PAX3: variants seen among roughly 807,000 people sequenced by gnomAD.
PAX3 encodes paired box protein Pax-3.
In PAX3, 14 loss-of-function variants were observed where a neutral mutation model predicts 51.6. The ratio of observed to expected loss-of-function variants is 0.27; its 90% CI spans 0.18 to 0.42. The LOEUF (loss-of-function observed/expected upper bound fraction) is 0.42, where lower values mean the gene tolerates loss of function less well. PAX3 is among the 10% of genes least tolerant of loss of function. The pLI is 1.00. For missense variants in PAX3, 540 were observed against 642.8 expected, an observed-to-expected ratio of 0.84 and a Z score of 1.73; for synonymous variants, 280 against 253.4, an observed-to-expected ratio of 1.11 and a Z score of -1.00.
chr2:222,254,649 T>C (rs970259727), intron 4 of PAX3, among the ~76,000 whole-genome samples: 3 of 152,258 alleles, frequency 2.0e-5, no homozygotes, highest in African/African-American at 7.2e-5. Context: ...AGAGAGTTAA[T>C]AAATGATTAT....
intron 5 of PAX3, among the ~76,000 whole-genome samples, chr2:222,223,569 T>C (rs1030961179): frequency 2.0e-5 from 3 of 152,200 alleles, no homozygotes; most frequent in Non-Finnish European, 4.4e-5. Flanking sequence ...ATTAGGGTCA[T>C]GTTCATGCCT....
intron 4 of PAX3, among the ~76,000 whole-genome samples, chr2:222,253,815 C>T (rs1693531521): frequency 6.6e-6 from 1 of 151,998 alleles, no homozygotes; most frequent in Non-Finnish European, 1.5e-5. Flanking sequence ...CATGCCACCA[C>T]ATCCCACTAA....
intron 4 of PAX3, among the ~76,000 whole-genome samples, chr2:222,278,083 C>A (rs922545970): frequency 6.6e-6 from 1 of 151,910 alleles, no homozygotes; most frequent in Non-Finnish European, 1.5e-5. Flanking sequence ...AGATTAGACA[C>A]CCTGATTAAA....
At chr2:222,225,957 G>C (rs1692367016) in intron 5 of PAX3, among the ~76,000 whole-genome samples, 1 of 152,158 alleles carries the variant, frequency 6.6e-6, no homozygotes, top group Non-Finnish European at 1.5e-5. Flanking sequence ...GGTTTGACTT[G>C]AATGGAGGCT....
intron 4 of PAX3, among the ~76,000 whole-genome samples, chr2:222,282,507 T>G (rs1035478484): frequency 4.6e-5 from 7 of 152,196 alleles, no homozygotes; most frequent in African/African-American, 1.7e-4. Flanking sequence ...CCGGCAGCAC[T>G]TCTGAAAAAT....
chr2:222,221,144 G>A, intron 6 of PAX3, 78 bp downstream of exon 6: 5 of 1,356,014 alleles, frequency 3.7e-6, no homozygotes, highest in Non-Finnish European at 5.3e-6. Context: ...TACTGCAGAA[G>A]GATTCACTTG....
rs557454323 is a variant in PAX3, at chr2:222,215,286, G to A, written c.1173+4854C>T. Among the ~76,000 whole-genome samples the A allele has an allele frequency of 1.7e-3, 256 of 152,224 alleles. 1 individual carries two copies. The highest frequency in any genetic ancestry group is 5.8e-3 in the African/African-American group (243 of 41,540). ...GAGGAAAAGTGCTTGGCAAAAATGTGTTTTAGGTTTTACCAAACCCAAAAC... is the reference window on the plus strand; with the variant it reads ...GAGGAAAAGTGCTTGGCAAAAATGTATTTTAGGTTTTACCAAACCCAAAAC... On this transcript the variant is annotated intron_variant, in intron 7 of 8. Coordinates refer to ENST00000392070, the MANE Select transcript of PAX3 (RefSeq NM_181458.4).
intron 4 of PAX3, among the ~76,000 whole-genome samples, chr2:222,249,230 CAAAAAATA>C (rs1014123812): frequency 5.9e-5 from 9 of 152,214 alleles, no homozygotes; most frequent in Admixed American, 2.6e-4. Context: ...TCAGTTTCTA[CAAAAAATA>C]AAAACATAAG....
intron 7 of PAX3, among the ~76,000 whole-genome samples, chr2:222,203,050 T>TAC (rs1691368542): frequency 7.8e-6 from 1 of 128,064 alleles, no homozygotes; most frequent in Non-Finnish European, 1.6e-5. Context: ...TATATATATA[T>TAC]ATATATGAAG....
At chr2:222,203,011 T>TTATATATATA (rs1454502969) in intron 7 of PAX3, among the ~76,000 whole-genome samples, 1 of 40,888 alleles carries the variant, frequency 2.4e-5, no homozygotes, top group African/African-American at 8.5e-5. Flanking sequence ...AACAACCATT[T>TTATATATATA]CATATATATA....
chr2:222,295,766 A>G (rs1033179052), intron 2 of PAX3, 109 bp from the exon 3 acceptor site: 3 of 1,302,490 alleles, frequency 2.3e-6, no homozygotes, highest in Non-Finnish European at 3.3e-6. Flanking sequence ...ATCCTCTGGG[A>G]CGGTCCCCCT....
chr2:222,284,721 C>T (rs957856176), intron 4 of PAX3, among the ~76,000 whole-genome samples: 13 of 152,172 alleles, frequency 8.5e-5, no homozygotes, highest in Admixed American at 1.3e-4. Context: ...AGTTTGTAGG[C>T]TGGTCACTTT....
chr2:222,255,458 C>A (rs1054210740), intron 4 of PAX3, among the ~76,000 whole-genome samples: 3 of 152,176 alleles, frequency 2.0e-5, no homozygotes, highest in African/African-American at 7.2e-5. Flanking sequence ...CCACCTCAGT[C>A]TGCAACATCA....
intron 4 of PAX3, among the ~76,000 whole-genome samples, chr2:222,243,118 C>T (rs1051004068): frequency 6.6e-6 from 1 of 152,092 alleles, no homozygotes; most frequent in Non-Finnish European, 1.5e-5. Context: ...CACAAGGAAA[C>T]TTTGCCAAGA....
intron 7 of PAX3, among the ~76,000 whole-genome samples, chr2:222,206,666 T>C (rs1007019185): frequency 2.0e-5 from 3 of 152,148 alleles, no homozygotes; most frequent in Admixed American, 1.3e-4. Flanking sequence ...AAACTAAGTC[T>C]TACAATTGCT....
In PAX3 at chr2:222,296,863, C is replaced by T. The variant is rs554143505; in HGVS notation, c.321+115G>A. 1.1e-4 allele frequency: 100 copies of T among 895,908 alleles called. 2 individuals carry two copies. The South Asian group carries it at 1.4e-3, about 12-fold the overall frequency. The allele number at this position is 895,908 out of a possible 1,614,324, so 55.5% of individuals were successfully genotyped here. On this transcript the variant is annotated intron_variant, in intron 2 of 8. Transcript: ENST00000392070. Reference sequence around the variant, plus strand: ...GCGCGCCTTTACGCACCTTCACAAACCTCAGAAATAACTCATTGGAGAGCC... The same window carrying T: ...GCGCGCCTTTACGCACCTTCACAAATCTCAGAAATAACTCATTGGAGAGCC...
Position 222,298,836 on chromosome 2 carries a change from A to G in PAX3, c.-221T>C. The G allele has an allele frequency of 3.3e-6, 2 of 600,230 alleles. No homozygotes were observed. The highest frequency in any genetic ancestry group is 6.0e-6 in the Non-Finnish European group (2 of 335,344). The allele number at this position is 600,230 out of a possible 1,614,324, so 37.2% of individuals were successfully genotyped here. On this transcript the variant is annotated 5_prime_UTR_variant, in exon 1 of 9. Transcript: ENST00000392070. ...GGAGGACGGGGAGGCCCCGGAGTCCAGGATCCCGAGCCCAGGGCGGAAAAG... is the reference window on the plus strand; with the variant it reads ...GGAGGACGGGGAGGCCCCGGAGTCCGGGATCCCGAGCCCAGGGCGGAAAAG...
chr2:222,202,182 T>A lies in PAX3; in HGVS notation c.1182A>T (p.Gly394=). ...IGNGLSPQVM[G]LLTNHGGVPH... ...GTACCCCACCGTGGTTGGTCAGGAG[T>A]CCCATTACCTAAAAAAACAGCCAGA... The change falls in exon 8 of 9, where the codon GGA becomes GGT. Residue 394 remains glycine (G), a synonymous_variant. Transcript: ENST00000392070. 1 of 1,591,982 alleles carries A rather than the reference T, an allele frequency of 6.3e-7. No individual in the cohort carries two copies. Among genetic ancestry groups the A allele is most frequent in the Non-Finnish European group, 8.6e-7 (1 of 1,168,128 alleles).
chr2:222,235,396 T>C (rs1160312544), intron 4 of PAX3, among the ~76,000 whole-genome samples: 3 of 152,344 alleles, frequency 2.0e-5, no homozygotes, highest in African/African-American at 7.2e-5. Context: ...TATTTGCCAC[T>C]GTTTTACATC....
Sources: allele counts gnomAD v4.1 joint callset (sites outside exome capture counted in the v4.1 genomes callset), GRCh38; gene constraint gnomAD v4.1.1; transcripts MANE v1.5; gene names NCBI Gene and HGNC (gene_info 2026-07-23, HGNC 2026-07-21).